The following GRIA1 variants were observed in gnomAD, a reference collection of about 807,000 sequenced individuals.
GRIA1 encodes the protein glutamate receptor 1.
GRIA1 carries 31 observed loss-of-function variants against 99.2 expected under a neutral mutation model. That is an observed-to-expected ratio of 0.31 (90% CI 0.23 to 0.42). The LOEUF (loss-of-function observed/expected upper bound fraction) is 0.42, where lower values mean the gene tolerates loss of function less well. Ranked by LOEUF, GRIA1 falls within the 10% of genes least tolerant of loss-of-function variation. The pLI, the probability that GRIA1 is intolerant of heterozygous loss-of-function variation, is 1.00. For synonymous variants in GRIA1, 438 were observed against 432.4 expected, an observed-to-expected ratio of 1.01 and a Z score of -0.16; for missense variants, 782 against 1,157.5, an observed-to-expected ratio of 0.68 and a Z score of 4.71.
rs1417993512 is a variant in GRIA1 at position 153,559,662 on chromosome 5, A to C, written c.220+65597A>C. ...TTTAAACCAGCATCAACACAAACACATTAGTAATGCATTGTGTTACAACAT... is the reference window on the plus strand; with the variant it reads ...TTTAAACCAGCATCAACACAAACACCTTAGTAATGCATTGTGTTACAACAT... On this transcript the variant is annotated intron_variant, in intron 2 of 15. Transcript: ENST00000285900. Among the ~76,000 whole-genome samples, 4 of 152,188 alleles carry C rather than the reference A, an allele frequency of 2.6e-5. No homozygotes were observed. The East Asian group carries it at 7.7e-4, about 29-fold the overall frequency.
chr5:153,501,238 T>A (rs1754984236), intron 2 of GRIA1, among the ~76,000 whole-genome samples: 1 of 152,162 alleles, frequency 6.6e-6, no homozygotes, highest in Non-Finnish European at 1.5e-5. Flanking sequence ...TGAACAAAAC[T>A]AGAAAGCAGC....
chr5:153,491,863 G>A (rs11745872), intron 1 of GRIA1, among the ~76,000 whole-genome samples: 2 of 151,986 alleles, frequency 1.3e-5, no homozygotes, highest in Non-Finnish European at 2.9e-5. Context: ...CAAAGGCCCC[G>A]CCACCCTCCC....
At chr5:153,719,135 G>A (rs1005706665) in intron 11 of GRIA1, among the ~76,000 whole-genome samples, 1 of 152,158 alleles carries the variant, frequency 6.6e-6, no homozygotes, top group African/African-American at 2.4e-5. Flanking sequence ...GGCTTTGCAG[G>A]AATTGTAAAT....
At chr5:153,650,906 A>ATT (rs201337721) in intron 4 of GRIA1, among the ~76,000 whole-genome samples, 2 of 148,588 alleles carry the variant, frequency 1.3e-5, no homozygotes, top group African/African-American at 5.0e-5. Context: ...TAAAAAAAAA[A>ATT]AAAAAAAAAA....
At chr5:153,500,123 T>A (rs1452815487) in intron 2 of GRIA1, among the ~76,000 whole-genome samples, 1 of 152,226 alleles carries the variant, frequency 6.6e-6, no homozygotes, top group Non-Finnish European at 1.5e-5. Flanking sequence ...AATCATCAGC[T>A]TTTATGGATA....
At chr5:153,762,994 G>T (rs1438274177) in intron 11 of GRIA1, among the ~76,000 whole-genome samples, 5 of 152,174 alleles carry the variant, frequency 3.3e-5, no homozygotes, top group African/African-American at 7.2e-5. Flanking sequence ...TCCTGCAACT[G>T]CTCCTCATGC....
intron 14 of GRIA1, among the ~76,000 whole-genome samples, chr5:153,798,491 TTAGA>T (rs1325679658): frequency 1.3e-5 from 2 of 152,200 alleles, no homozygotes; most frequent in Non-Finnish European, 2.9e-5. Context: ...TGTATGGAAC[TTAGA>T]TAGGATATAG....
intron 2 of GRIA1, among the ~76,000 whole-genome samples, chr5:153,570,757 A>C (rs919383854): frequency 2.0e-5 from 3 of 152,196 alleles, no homozygotes; most frequent in Non-Finnish European, 4.4e-5. Context: ...TGATGACTAA[A>C]TGAGAGGATA....
Position 153,493,940 on chromosome 5 carries a change from C to G in GRIA1, c.95C>G (p.Pro32Arg), listed in dbSNP as rs760507454. The G allele has an allele frequency of 5.0e-6, 8 of 1,613,854 alleles. No individual in the cohort carries two copies. In the East Asian group the frequency reaches 1.8e-4, roughly 36 times the overall value. ...TCTTTTCTCATAGGGGGATTATTTC[C>G]AAACCAGCAGTCACAGGAACATGCT... The part of the protein sequence containing the change: ...PNNIQIGGLF[P>R]NQQSQEHAAF... Residue 32 changes from proline (P) to arginine (R), a missense_variant, in exon 2 of 16, where the codon CCA becomes CGA. By Grantham distance (103) the Pro-to-Arg change is moderately radical. Transcript: ENST00000285900.
chr5:153,730,640 G>A (rs184292455), intron 11 of GRIA1, among the ~76,000 whole-genome samples: 5 of 152,186 alleles, frequency 3.3e-5, no homozygotes, highest in Admixed American at 2.6e-4. Flanking sequence ...AAATTAGTAA[G>A]TGCTCAATAA....
chr5:153,611,112 G>T (rs2149409310), intron 2 of GRIA1, among the ~76,000 whole-genome samples: 1 of 152,256 alleles, frequency 6.6e-6, no homozygotes, highest in Admixed American at 6.5e-5. Context: ...AGTAGATTTG[G>T]AGTGAGGCCT....
intron 7 of GRIA1, among the ~76,000 whole-genome samples, chr5:153,677,550 A>G (rs1389726155): frequency 1.3e-5 from 2 of 152,200 alleles, no homozygotes; most frequent in Non-Finnish European, 2.9e-5. Context: ...CACACATTGT[A>G]TGAGAGCCTG....
At chr5:153,774,970 T>C (rs1764121720) in intron 13 of GRIA1, among the ~76,000 whole-genome samples, 1 of 152,226 alleles carries the variant, frequency 6.6e-6, no homozygotes, top group African/African-American at 2.4e-5. Flanking sequence ...AAACAGATGC[T>C]GTTTGTTGGC....
At chr5:153,793,865 G>C (rs1387867657) in intron 13 of GRIA1, among the ~76,000 whole-genome samples, 1 of 152,194 alleles carries the variant, frequency 6.6e-6, no homozygotes, top group Non-Finnish European at 1.5e-5. Context: ...CCAACTAAAA[G>C]TTTCATGATC....
intron 2 of GRIA1, among the ~76,000 whole-genome samples, chr5:153,563,739 C>A (rs1372095917): frequency 6.6e-6 from 1 of 152,152 alleles, no homozygotes; most frequent in African/African-American, 2.4e-5. Flanking sequence ...TTGTCAAATA[C>A]CTACTTCCCC....
chr5:153,561,768 A>G (rs563379728), intron 2 of GRIA1, among the ~76,000 whole-genome samples: 1 of 152,288 alleles, frequency 6.6e-6, no homozygotes, highest in African/African-American at 2.4e-5. Context: ...ATTATTTGCC[A>G]AGAGAGAGGT....
intron 2 of GRIA1, among the ~76,000 whole-genome samples, chr5:153,569,876 G>A (rs1020654844): frequency 6.6e-6 from 1 of 152,136 alleles, no homozygotes; most frequent in Non-Finnish European, 1.5e-5. Flanking sequence ...GGGAAGCAGA[G>A]GCCCAGAAAA....
chr5:153,675,431 A>G lies in GRIA1; in HGVS notation c.861+770A>G, dbSNP rs142613055. Among the ~76,000 whole-genome samples, 1,291 of 152,352 alleles carry G rather than the reference A, an allele frequency of 8.5e-3. 62 individuals are homozygous for G. Among genetic ancestry groups the G allele is most frequent in the Admixed American group, 0.074 (1,139 of 15,304 alleles). ...CAGCAACACAGCTCTAAATACTGCC[A>G]CCAAAATCTATTTTGTTTGTTATTT... is the stretch of plus-strand genomic sequence containing the variant. On this transcript the variant is annotated intron_variant, in intron 6 of 15. Coordinates refer to ENST00000285900, the MANE Select transcript of GRIA1 (RefSeq NM_000827.4).
intron 13 of GRIA1, among the ~76,000 whole-genome samples, chr5:153,784,629 T>C (rs1330405135): frequency 6.6e-6 from 1 of 152,160 alleles, no homozygotes; most frequent in Non-Finnish European, 1.5e-5. Context: ...TGCATTTTAA[T>C]TGAGGCTCCT....
Sources: allele counts gnomAD v4.1 joint callset (sites outside exome capture counted in the v4.1 genomes callset), GRCh38; gene constraint gnomAD v4.1.1; transcripts MANE v1.5; gene names NCBI Gene and HGNC (gene_info 2026-07-23, HGNC 2026-07-21).